CHMP3: variants seen among roughly 807,000 people sequenced by gnomAD.
CHMP3 encodes the protein charged multivesicular body protein 3, also known as 25.1 protein.
In CHMP3, 8 loss-of-function variants were observed where a neutral mutation model predicts 27.4. The ratio of observed to expected loss-of-function variants is 0.29; its 90% CI spans 0.17 to 0.53. CHMP3 has a LOEUF of 0.53. CHMP3 is among the 20% of genes least tolerant of loss of function. The pLI is 0.96. For synonymous variants in CHMP3, 86 were observed against 85.5 expected (o/e 1.01, Z -0.03); for missense variants, 208 against 271.5 (o/e 0.77, Z 1.64).
At chr2:86,552,612 A>C (rs1428692036) in intron 1 of CHMP3, among the ~76,000 whole-genome samples, 1 of 152,232 alleles carries the variant, frequency 6.6e-6, no homozygotes, top group African/African-American at 2.4e-5. Context: ...CATAATGTAA[A>C]GATCTGGTGT....
intron 3 of CHMP3, 25 bp from the exon 4 acceptor site, chr2:86,510,504 G>C (rs1224888159): frequency 6.2e-7 from 1 of 1,608,428 alleles, no homozygotes; most frequent in South Asian, 1.1e-5. Context: ...GTACAGTCAG[G>C]ATTGTTCAAC....
intron 2 of CHMP3, among the ~76,000 whole-genome samples, chr2:86,531,512 C>T (rs1035018000): frequency 6.6e-6 from 1 of 152,202 alleles, no homozygotes; most frequent in Non-Finnish European, 1.5e-5. Context: ...GCTGGGACTA[C>T]AGGCACACAT....
intron 3 of CHMP3, among the ~76,000 whole-genome samples, chr2:86,525,271 TTAAA>T (rs1338774842): frequency 6.6e-6 from 1 of 152,084 alleles, no homozygotes; most frequent in Non-Finnish European, 1.5e-5. Context: ...AAAAACAAAA[TTAAA>T]TACAAAAAAC....
chr2:86,554,055 T>TCC (rs1677017375), intron 1 of CHMP3, among the ~76,000 whole-genome samples: 5 of 152,104 alleles, frequency 3.3e-5, no homozygotes, highest in Admixed American at 2.0e-4. Context: ...AGGAATGGAA[T>TCC]TAATGCCCTT....
At chr2:86,528,454 C>G (rs771291133) in intron 3 of CHMP3, among the ~76,000 whole-genome samples, 8 of 152,166 alleles carry the variant, frequency 5.3e-5, no homozygotes, top group Non-Finnish European at 1.0e-4. Context: ...TCTCCTTGCT[C>G]AGCCTCCTGA....
At chr2:86,549,532 G>A (rs550847521) in intron 1 of CHMP3, among the ~76,000 whole-genome samples, 12 of 145,474 alleles carry the variant, frequency 8.2e-5, no homozygotes, top group African/African-American at 2.8e-4. Context: ...AGGGCGGCCA[G>A]GCAGAGGCGC....
chr2:86,538,720 T>C (rs975749586), intron 2 of CHMP3, among the ~76,000 whole-genome samples: 1 of 152,212 alleles, frequency 6.6e-6, no homozygotes, highest in Non-Finnish European at 1.5e-5. Context: ...TTTCCAATTA[T>C]TGCCTATAAT....
intron 1 of CHMP3, among the ~76,000 whole-genome samples, chr2:86,551,637 A>G (rs1375718485): frequency 1.3e-5 from 2 of 152,174 alleles, no homozygotes; most frequent in Non-Finnish European, 2.9e-5. Flanking sequence ...CCACTGCATT[A>G]GGAATTAGAG....
intron 1 of CHMP3, among the ~76,000 whole-genome samples, chr2:86,558,000 C>G (rs1429199151): frequency 6.6e-6 from 1 of 152,128 alleles, no homozygotes; most frequent in Non-Finnish European, 1.5e-5. Context: ...CATTTTCTTC[C>G]CTTTTCTGAT....
Position 86,529,366 on chromosome 2 carries a change from T to C in CHMP3, c.138A>G (p.Arg46=). ...CCTTCTTGGCAGCATCTTTCACAGA[T>C]CGTTTCACTTTTTCTTCTTCTCTTT... ...DIQREEEKVK[R]SVKDAAKKGQ... is the part of the protein sequence containing the mutation. The change falls in exon 3 of 6, where the codon CGA becomes CGG. Residue 46 remains arginine (R), a synonymous_variant. Transcript: ENST00000263856. 1.0e-5 allele frequency: 16 copies of C among 1,602,310 alleles called. No individual in the cohort carries two copies. Among genetic ancestry groups the C allele is most frequent in the Non-Finnish European group, 1.4e-5 (16 of 1,176,242 alleles).
chr2:86,544,753 G>A (rs933956252), intron 1 of CHMP3, among the ~76,000 whole-genome samples: 42 of 152,212 alleles, frequency 2.8e-4, no homozygotes, highest in African/African-American at 9.7e-4. Context: ...TTTCTACACA[G>A]ACACAGTAAC....
At chr2:86,543,069 C>T (rs961181610) in intron 1 of CHMP3, among the ~76,000 whole-genome samples, 1 of 152,172 alleles carries the variant, frequency 6.6e-6, no homozygotes, top group Non-Finnish European at 1.5e-5. Flanking sequence ...TATAACTAAA[C>T]TCCTTCCATT....
intron 4 of CHMP3, 73 bp downstream of exon 4, chr2:86,510,285 T>G: frequency 1.3e-6 from 1 of 748,304 alleles, no homozygotes; most frequent in East Asian, 4.7e-5. Context: ...CCCACCCTCA[T>G]CCCTAGCCCC....
intron 2 of CHMP3, among the ~76,000 whole-genome samples, chr2:86,531,995 T>C (rs1306418428): frequency 6.6e-6 from 1 of 152,216 alleles, no homozygotes; most frequent in Non-Finnish European, 1.5e-5. Context: ...AAAAATGTCA[T>C]TGGGATTTTG....
At chr2:86,531,824 T>G (rs1300031458) in intron 2 of CHMP3, among the ~76,000 whole-genome samples, 1 of 152,230 alleles carries the variant, frequency 6.6e-6, no homozygotes, top group Non-Finnish European at 1.5e-5. Context: ...CGTTTATATG[T>G]CTTTATGTCA....
chr2:86,558,050 A>G (rs979047266), intron 1 of CHMP3, among the ~76,000 whole-genome samples: 7 of 152,316 alleles, frequency 4.6e-5, no homozygotes, highest in African/African-American at 1.2e-4. Context: ...GTCTAAGAAC[A>G]TAAGTCATAT....
chr2:86,519,486 C>T (rs146722976), intron 3 of CHMP3, among the ~76,000 whole-genome samples: 1 of 152,132 alleles, frequency 6.6e-6, no homozygotes, highest in Non-Finnish European at 1.5e-5. Context: ...AGGAATTGGA[C>T]TTTAAAATTC....
Position 86,510,480 on chromosome 2 carries a change from C to T in CHMP3, c.287-1G>A, listed in dbSNP as rs944872445. The stretch of plus-strand genomic sequence containing the variant: ...AGGGAACCAGCCACTCGCAAGACCG[C>T]TGAAAGAGAATGTGTACAGTCAGGA... On this transcript the variant is annotated splice_acceptor_variant, in intron 3 of 5. Coordinates refer to ENST00000263856, the MANE Select transcript of CHMP3 (RefSeq NM_016079.4). LOFTEE classifies it high-confidence loss of function. The T allele has an allele frequency of 6.2e-7, 1 of 1,611,792 alleles. No individual in the cohort carries two copies. Among genetic ancestry groups the T allele is most frequent in the Non-Finnish European group, 8.5e-7 (1 of 1,180,014 alleles).
chr2:86,516,515 G>C (rs1398078783), intron 3 of CHMP3, among the ~76,000 whole-genome samples: 1 of 152,172 alleles, frequency 6.6e-6, no homozygotes, highest in African/African-American at 2.4e-5. Context: ...ACAAATGTTG[G>C]AGAAGATGTA....
Sources: allele counts gnomAD v4.1 joint callset (sites outside exome capture counted in the v4.1 genomes callset), GRCh38; gene constraint gnomAD v4.1.1; transcripts MANE v1.5; gene names NCBI Gene and HGNC (gene_info 2026-07-23, HGNC 2026-07-21).